Variants in OPHN1 observed in about 807,000 individuals in gnomAD.
The protein encoded by OPHN1 is oligophrenin 1, also known as oligophrenin-1.
Under a neutral mutation model 60.7 loss-of-function variants are expected in OPHN1, and 11 were observed. That is an observed-to-expected ratio of 0.18 (90% confidence interval 0.11 to 0.30). The LOEUF (loss-of-function observed/expected upper bound fraction) is 0.30. Ranked by LOEUF, OPHN1 falls within the 10% of genes least tolerant of loss-of-function variation. OPHN1 has a pLI of 1.00. For missense variants in OPHN1, 449 were observed against 611.0 expected, an observed-to-expected ratio of 0.73 and a Z score of 2.80; for synonymous variants, 226 against 222.6, an observed-to-expected ratio of 1.02 and a Z score of -0.14.
chrX:68,409,928 T>C (rs2078761400), intron 2 of OPHN1, among the ~76,000 whole-genome samples: 2 of 111,307 alleles, frequency 1.8e-5, no homozygotes, highest in African/African-American at 6.5e-5. Context: ...AATTCGGACT[T>C]CCAGGGTATC....
intron 19 of OPHN1, among the ~76,000 whole-genome samples, chrX:68,073,908 C>T (rs1334508763): frequency 8.9e-6 from 1 of 112,448 alleles, no homozygotes; most frequent in Admixed American, 9.4e-5. Flanking sequence ...TGCCATGGTA[C>T]ATTATCTATT....
intron 2 of OPHN1, among the ~76,000 whole-genome samples, chrX:68,336,808 C>G (rs1415512188): frequency 9.1e-6 from 1 of 110,287 alleles, no homozygotes; most frequent in Non-Finnish European, 1.9e-5. Flanking sequence ...AATCCCAGTA[C>G]TTTGGGAGAC....
intron 19 of OPHN1, among the ~76,000 whole-genome samples, chrX:68,083,240 T>C (rs2076982151): frequency 9.7e-6 from 1 of 102,655 alleles, no homozygotes; most frequent in East Asian, 3.1e-4. Context: ...GCCCGGCTAA[T>C]TTTTTGTATT....
chrX:68,239,885 C>T (rs1484422499), intron 5 of OPHN1, among the ~76,000 whole-genome samples: 2 of 108,917 alleles, frequency 1.8e-5, no homozygotes, highest in African/African-American at 6.7e-5. Flanking sequence ...TCTCGGCTCA[C>T]TGCAACCTCT....
chrX:68,193,764 C>T (rs1168136894), intron 14 of OPHN1, 126 bp downstream of exon 14: 2 of 570,936 alleles, frequency 3.5e-6, no homozygotes, highest in African/African-American at 4.5e-5. Context: ...AATTTTCTAG[C>T]TTGCATCTAC....
chrX:68,387,200 T>TTCTCTCTC (rs61349611), intron 2 of OPHN1, among the ~76,000 whole-genome samples: 1,318 of 100,073 alleles, frequency 0.013, 22 homozygotes, highest in East Asian at 0.061. Flanking sequence ...TTCTTTCTGT[T>TTCTCTCTC]TCTCTCTCTC....
At chrX:68,118,407 T>C (rs1345821498) in intron 16 of OPHN1, among the ~76,000 whole-genome samples, 1 of 111,976 alleles carries the variant, frequency 8.9e-6, no homozygotes, top group African/African-American at 3.2e-5. Flanking sequence ...TTCAAGTTTA[T>C]GGAAAGCTCT....
intron 14 of OPHN1, among the ~76,000 whole-genome samples, chrX:68,193,599 T>C (rs975476371): frequency 1.8e-5 from 2 of 111,624 alleles, no homozygotes; most frequent in African/African-American, 6.5e-5. Flanking sequence ...GTGGCAGAAA[T>C]TGAACTCTTG....
intron 23 of OPHN1, 65 bp from the exon 24 acceptor site, chrX:68,048,522 G>A (rs2076839839): frequency 9.9e-7 from 1 of 1,006,129 alleles, no homozygotes; most frequent in Non-Finnish European, 1.4e-6. Context: ...TAAATTGGGG[G>A]AATGGGGGAC....
rs758268266 is a variant in OPHN1, at chrX:68,404,773, T to C, written c.154+28094A>G. The stretch of plus-strand genomic sequence containing the variant: ...AAGAAAGAAAAGAAGTTCTGACACA[T>C]GCTACGTGAAAGAACTCTGAGAATG... On this transcript the variant is annotated intron_variant, in intron 2 of 24. Coordinates refer to ENST00000355520, the MANE Select transcript of OPHN1 (RefSeq NM_002547.3). Among the ~76,000 whole-genome samples, 4 of 112,054 alleles carry C rather than the reference T, an allele frequency of 3.6e-5. No individual in the cohort carries two copies. The East Asian group carries it at 1.1e-3, about 32-fold the overall frequency.
At chrX:68,145,119 C>T (rs926307326) in intron 15 of OPHN1, among the ~76,000 whole-genome samples, 7 of 111,297 alleles carry the variant, frequency 6.3e-5, no homozygotes, top group Non-Finnish European at 3.8e-5. Context: ...CTCTGAGAAA[C>T]CTCAGAGGGA....
chrX:68,401,549 A>C (rs2078714864), intron 2 of OPHN1, among the ~76,000 whole-genome samples: 1 of 112,534 alleles, frequency 8.9e-6, no homozygotes. Flanking sequence ...GACTACTAAG[A>C]GACAACTTTT....
intron 3 of OPHN1, among the ~76,000 whole-genome samples, chrX:68,296,698 T>C (rs1327370143): frequency 9.3e-6 from 1 of 107,524 alleles, no homozygotes; most frequent in African/African-American, 3.4e-5. Context: ...TGGTAGCTGA[T>C]GCCTGTAATC....
In OPHN1 at chrX:68,043,237, G is replaced by A. The variant is rs1425541519; in HGVS notation, c.*3935C>T. On this transcript the variant is annotated 3_prime_UTR_variant, in exon 25 of 25. Transcript: ENST00000355520. The stretch of plus-strand genomic sequence containing the variant: ...GGACTGTGGTGGGGTCGGGGGAGGG[G>A]GGAGGGATAGCACTGGGAGATATAC... 7.8e-5 allele frequency: 5 copies of A among 64,034 alleles called. No homozygotes were observed. The highest frequency in any genetic ancestry group is 6.1e-5 in the African/African-American group (1 of 16,301). 5.3% of individuals were successfully genotyped at this position (64,034 alleles called of 1,213,427 possible).
At chrX:68,089,034 C>T (rs1278755413) in intron 19 of OPHN1, among the ~76,000 whole-genome samples, 1 of 111,498 alleles carries the variant, frequency 9.0e-6, no homozygotes, top group African/African-American at 3.3e-5. Flanking sequence ...CTCTCCAAAT[C>T]TCAGAGCAAA....
rs777681813 is a variant in OPHN1 at position 68,353,111 on chromosome X, G to T, written c.155-54015C>A. On this transcript the variant is annotated intron_variant, in intron 2 of 24. Coordinates refer to ENST00000355520, the MANE Select transcript of OPHN1 (RefSeq NM_002547.3). ...AGGCTGCAGTGAGCCATGAACGCACGTACCCCTGGACTCCAGCCTTGGAGA... is the reference window on the plus strand; with the variant it reads ...AGGCTGCAGTGAGCCATGAACGCACTTACCCCTGGACTCCAGCCTTGGAGA... 9.1e-5 allele frequency among the ~76,000 whole-genome samples: 10 copies of T among 109,346 alleles called. No individual in the cohort carries two copies. The Admixed American group carries it at 9.9e-4, about 11-fold the overall frequency. 95.0% of individuals were successfully genotyped at this position (109,346 alleles called of 115,157 possible).
intron 15 of OPHN1, chrX:68,133,291 T>G (rs2077205630): frequency 8.2e-6 from 5 of 612,962 alleles, no homozygotes; most frequent in South Asian, 7.2e-5. Context: ...TACGTGAGTG[T>G]GTCTTAGACT....
intron 18 of OPHN1, among the ~76,000 whole-genome samples, chrX:68,102,846 T>C (rs1437172400): frequency 1.8e-5 from 2 of 111,643 alleles, no homozygotes; most frequent in Non-Finnish European, 3.8e-5. Flanking sequence ...TATCCCTGAA[T>C]AGACCAATAA....
At chrX:68,088,266 T>C (rs932111566) in intron 19 of OPHN1, among the ~76,000 whole-genome samples, 3 of 111,324 alleles carry the variant, frequency 2.7e-5, no homozygotes, top group Non-Finnish European at 5.6e-5. Context: ...ACTGATTATA[T>C]CTAACCGGTC....
Sources: allele counts gnomAD v4.1 joint callset (sites outside exome capture counted in the v4.1 genomes callset), GRCh38; gene constraint gnomAD v4.1.1; transcripts MANE v1.5; gene names NCBI Gene and HGNC (gene_info 2026-07-23, HGNC 2026-07-21).